Variants in KIF26B observed in about 807,000 individuals in gnomAD.
KIF26B encodes the protein kinesin family member 26B, also known as kinesin-like protein KIF26B.
A neutral mutation model predicts 151.2 loss-of-function variants in KIF26B; 63 were observed. The observed-to-expected ratio is 0.42, with a 90% CI of 0.34 to 0.51. The LOEUF (loss-of-function observed/expected upper bound fraction) is 0.51, where lower values mean the gene tolerates loss of function less well. Ranked by LOEUF, KIF26B falls within the 20% of genes least tolerant of loss-of-function variation. The probability of loss-of-function intolerance (pLI) is 0.07; values close to 1 mark genes in which losing one functional copy is unlikely to be tolerated. For synonymous variants in KIF26B, 1,357 were observed against 1,262.1 expected, an observed-to-expected ratio of 1.08 and a Z score of -1.59; for missense variants, 2,813 against 2,913.6, an observed-to-expected ratio of 0.97 and a Z score of 0.79.
intron 5 of KIF26B, among the ~76,000 whole-genome samples, chr1:245,587,278 C>T (rs1396052749): frequency 1.3e-5 from 2 of 152,182 alleles, no homozygotes; most frequent in African/African-American, 4.8e-5. Context: ...CAGTACACAA[C>T]TCTTTTGTAC....
intron 4 of KIF26B, among the ~76,000 whole-genome samples, chr1:245,485,290 G>A (rs1223101137): frequency 6.6e-6 from 1 of 152,086 alleles, no homozygotes; most frequent in Non-Finnish European, 1.5e-5. Context: ...TGATAGTGGT[G>A]ATGGTTGCAA....
intron 2 of KIF26B, among the ~76,000 whole-genome samples, chr1:245,324,740 C>A (rs537682487): frequency 6.6e-6 from 1 of 152,112 alleles, no homozygotes; most frequent in Non-Finnish European, 1.5e-5. Flanking sequence ...CTCAGGCACA[C>A]GGCTGCTGGG....
At chr1:245,664,592 A>G (rs1304444851) in intron 10 of KIF26B, among the ~76,000 whole-genome samples, 5 of 152,210 alleles carry the variant, frequency 3.3e-5, no homozygotes, top group African/African-American at 1.2e-4. Flanking sequence ...ACAGCCGTCT[A>G]TATTGGTGAA....
At chr1:245,459,616 G>A (rs973761561) in intron 4 of KIF26B, among the ~76,000 whole-genome samples, 1 of 152,202 alleles carries the variant, frequency 6.6e-6, no homozygotes, top group African/African-American at 2.4e-5. Context: ...AGGGTGGGAT[G>A]TGCGGGTGGT....
At chr1:245,325,716 A>G (rs1195771972) in intron 2 of KIF26B, among the ~76,000 whole-genome samples, 1 of 152,190 alleles carries the variant, frequency 6.6e-6, no homozygotes, top group African/African-American at 2.4e-5. Flanking sequence ...CATTTAAAAA[A>G]AAAAGGAAAA....
chr1:245,636,888 A>G (rs1035748854), intron 9 of KIF26B, among the ~76,000 whole-genome samples: 1 of 145,630 alleles, frequency 6.9e-6, no homozygotes, highest in African/African-American at 2.7e-5. Flanking sequence ...GTGTGTATCT[A>G]TCTCACATTT....
At chr1:245,391,125 G>T (rs12144490) in intron 3 of KIF26B, among the ~76,000 whole-genome samples, 1 of 152,066 alleles carries the variant, frequency 6.6e-6, no homozygotes, top group Admixed American at 6.6e-5. Context: ...ACGTCTGGAA[G>T]ATACAGATAA....
In KIF26B at chr1:245,357,923, CTTTTTT is replaced by C. The variant is rs368839459; in HGVS notation, c.466-8910_466-8905del. 3.0e-4 allele frequency among the ~76,000 whole-genome samples: 45 copies of C among 152,132 alleles called. 1 individual carries two copies. Among genetic ancestry groups the C allele is most frequent in the African/African-American group, 1.0e-3 (42 of 41,504 alleles). On this transcript the variant is annotated intron_variant, in intron 2 of 14. Coordinates refer to ENST00000407071, the MANE Select transcript of KIF26B (RefSeq NM_018012.4). Reference sequence around the variant, plus strand: ...TATTTGTTAAAATTCCATCTTTTTTCTTTTTTGTGTTGAGACATGGTCTCGCTCTGC... The same window carrying C: ...TATTTGTTAAAATTCCATCTTTTTTCGTGTTGAGACATGGTCTCGCTCTGC...
intron 2 of KIF26B, among the ~76,000 whole-genome samples, chr1:245,157,270 A>T (rs1297292633): frequency 6.6e-6 from 1 of 152,154 alleles, no homozygotes; most frequent in Non-Finnish European, 1.5e-5. Flanking sequence ...CGCCAAGCAC[A>T]CTGGTTCCTC....
At chr1:245,366,438 A>G (rs1672954349) in intron 2 of KIF26B, among the ~76,000 whole-genome samples, 1 of 151,922 alleles carries the variant, frequency 6.6e-6, no homozygotes, top group African/African-American at 2.4e-5. Flanking sequence ...AGGCTGAGGC[A>G]GGAGAATCAC....
chr1:245,324,747 T>TA (rs1671952287), intron 2 of KIF26B, among the ~76,000 whole-genome samples: 2 of 152,032 alleles, frequency 1.3e-5, no homozygotes, highest in African/African-American at 2.4e-5. Flanking sequence ...ACACGGCTGC[T>TA]GGGATATGGC....
chr1:245,259,545 C>A (rs1287405540), intron 2 of KIF26B, among the ~76,000 whole-genome samples: 2 of 152,086 alleles, frequency 1.3e-5, no homozygotes, highest in Non-Finnish European at 2.9e-5. Flanking sequence ...TTTGGTTGTG[C>A]CTGGTCACTA....
chr1:245,349,558 T>TCAAAAAAAAAAAAAAAAAAAAAA (rs1672524292), intron 2 of KIF26B, among the ~76,000 whole-genome samples: 1 of 66,618 alleles, frequency 1.5e-5, no homozygotes, highest in Non-Finnish European at 2.9e-5. Context: ...GAAATAAACT[T>TCAAAAAAAAAAAAAAAAAAAAAA]CAAAAAAAAA....
chr1:245,182,252 A>G (rs1361446080), intron 2 of KIF26B, among the ~76,000 whole-genome samples: 4 of 152,220 alleles, frequency 2.6e-5, no homozygotes, highest in Non-Finnish European at 4.4e-5. Context: ...TCCCAGGCAC[A>G]GGAAAAGACT....
chr1:245,528,855 G>GT (rs1214640001), intron 4 of KIF26B, among the ~76,000 whole-genome samples: 1 of 152,158 alleles, frequency 6.6e-6, no homozygotes, highest in African/African-American at 2.4e-5. Flanking sequence ...TTTAATGAGT[G>GT]TTTTTCTCTA....
At chr1:245,538,409 G>A (rs930995006) in intron 4 of KIF26B, among the ~76,000 whole-genome samples, 2 of 151,930 alleles carry the variant, frequency 1.3e-5, no homozygotes, top group Non-Finnish European at 2.9e-5. Flanking sequence ...GTGCTGTTGG[G>A]AATGATCTAG....
intron 4 of KIF26B, among the ~76,000 whole-genome samples, chr1:245,474,619 G>A (rs570024113): frequency 6.6e-6 from 1 of 151,098 alleles, no homozygotes; most frequent in Non-Finnish European, 1.5e-5. Context: ...CACCATGTTG[G>A]CCAGGCTGGT....
intron 4 of KIF26B, among the ~76,000 whole-genome samples, chr1:245,530,956 C>T (rs1661345427): frequency 6.6e-6 from 1 of 152,168 alleles, no homozygotes; most frequent in South Asian, 2.1e-4. Flanking sequence ...TTTTAAGCAG[C>T]TTCCAGCATT....
intron 2 of KIF26B, among the ~76,000 whole-genome samples, chr1:245,207,244 C>A (rs1355720907): frequency 1.3e-5 from 2 of 152,226 alleles, no homozygotes; most frequent in African/African-American, 4.8e-5. Flanking sequence ...GGCAAATTTA[C>A]TTCTGCAGAA....
Sources: gnomAD v4.1 joint callset for allele counts (sites outside exome capture counted in the v4.1 genomes callset) on GRCh38, gnomAD v4.1.1 for gene constraint, MANE v1.5 for transcripts, NCBI Gene and HGNC (gene_info 2026-07-23, HGNC 2026-07-21) for gene names.